Variants in MON1B observed in about 807,000 individuals in gnomAD.
The protein encoded by MON1B is vacuolar fusion protein MON1 homolog B.
MON1B carries 26 observed loss-of-function variants against 45.1 expected under a neutral mutation model. The ratio of observed to expected loss-of-function variants is 0.58; its 90% CI spans 0.42 to 0.80. MON1B has a LOEUF of 0.80. Ranked by LOEUF, MON1B falls within the 30% of genes least tolerant of loss-of-function variation. The pLI, the probability that MON1B is intolerant of heterozygous loss-of-function variation, is 0.00. For synonymous variants in MON1B, 395 were observed against 320.2 expected (o/e 1.23, Z -2.49); for missense variants, 737 against 754.5 (o/e 0.98, Z 0.27).
Position 77,191,509 on chromosome 16 carries a change from T to A in MON1B, c.24T>A (p.Ala8=), listed in dbSNP as rs145558402. Residue 8 remains alanine (A), a synonymous_variant, in exon 2 of 6, where the codon GCT becomes GCA. Coordinates refer to ENST00000248248, the MANE Select transcript of MON1B (RefSeq NM_014940.4). The part of the protein sequence containing the change: MEVGGDT[A]APAPGGAEDL... ...AGATGGAGGTCGGAGGAGACACTGC[T>A]GCCCCGGCCCCCGGGGGCGCGGAGG... 1.2e-4 allele frequency: 191 copies of A among 1,606,980 alleles called. No homozygotes were observed. The African/African-American group carries it at 2.3e-3, about 19-fold the overall frequency.
At position 77,193,573 on chromosome 16, in the gene MON1B, A is replaced by T; in HGVS notation, c.271A>T (p.Ser91Cys). 1 of 1,614,012 alleles carries T rather than the reference A, an allele frequency of 6.2e-7. No individual in the cohort carries two copies. The highest frequency in any genetic ancestry group is 2.2e-5 in the East Asian group (1 of 44,870). The change falls in exon 3 of 6, where the codon AGT becomes TGT. Residue 91 changes from serine (S) to cysteine (C), a missense_variant. Physicochemically the swap from Ser to Cys is moderately radical, Grantham distance 112. Coordinates refer to ENST00000248248, the MANE Select transcript of MON1B (RefSeq NM_014940.4). This position sits in a 1 kb window ranked among gnomAD's most constrained non-coding sequence, Gnocchi z 5.0. ...GAATAGTCCCACATGTAGCCCTGAG[A>T]GTAGCTCTGGAGGCCAGGGCGGGGA... ...PENSPTCSPE[S>C]SSGGQGGDPS... is the part of the protein sequence containing the mutation.
intron 2 of MON1B, among the ~76,000 whole-genome samples, chr16:77,192,465 G>A (rs767111109): frequency 6.6e-5 from 10 of 152,178 alleles, no homozygotes; most frequent in Non-Finnish European, 2.9e-5. Flanking sequence ...AAATCAATGG[G>A]AATAAATGGA....
chr16:77,195,018 G>A lies in MON1B; in HGVS notation c.1159G>A (p.Ala387Thr). 1.2e-6 allele frequency: 2 copies of A among 1,613,018 alleles called. No individual in the cohort carries two copies. Among genetic ancestry groups the A allele is most frequent in the Non-Finnish European group, 8.5e-7 (1 of 1,179,986 alleles). Residue 387 changes from alanine (A) to threonine (T), a missense_variant, in exon 4 of 6, where the codon GCC (alanine) becomes ACC (threonine). Transcript: ENST00000248248. ...LGAMRALGEAASFSNASSASA... is the reference protein window; with the variant it reads ...LGAMRALGEATSFSNASSASA... ...TGCCATGCGTGCCCTTGGGGAGGCTGCCAGCTTCTCTAATGCCTCATCAGC... is the reference window on the plus strand; with the variant it reads ...TGCCATGCGTGCCCTTGGGGAGGCTACCAGCTTCTCTAATGCCTCATCAGC...
At position 77,193,758 on chromosome 16, in the gene MON1B, C is replaced by G; in HGVS notation, c.456C>G (p.Ala152=). The G allele has an allele frequency of 1.2e-6, 2 of 1,612,126 alleles. No individual in the cohort carries two copies. Among genetic ancestry groups the G allele is most frequent in the Non-Finnish European group, 1.7e-6 (2 of 1,178,756 alleles). ...CCTTTGTGCAGAGTGCGGGAGATGC[C>G]ATCCGTGCCATCTACGCTGGTGAGC... ...LVSFVQSAGD[A]IRAIYAEDHK... is the part of the protein sequence containing the mutation. The change falls in exon 3 of 6, where the codon GCC becomes GCG. Residue 152 remains alanine, a synonymous_variant. Transcript: ENST00000248248. This position sits in a 1 kb window ranked among gnomAD's most constrained non-coding sequence, Gnocchi z 5.0.
chr16:77,193,746 T>G lies in MON1B; in HGVS notation c.444T>G (p.Ser148Arg). 3.7e-6 allele frequency: 6 copies of G among 1,613,230 alleles called. No homozygotes were observed. Among genetic ancestry groups the G allele is most frequent in the Non-Finnish European group, 5.1e-6 (6 of 1,179,458 alleles). Residue 148 changes from serine (S) to arginine (R), a missense_variant, in exon 3 of 6, where the codon AGT (serine) becomes AGG (arginine). Coordinates refer to ENST00000248248, the MANE Select transcript of MON1B (RefSeq NM_014940.4). This position sits in a 1 kb window ranked among gnomAD's most constrained non-coding sequence, Gnocchi z 5.0. The part of the protein sequence containing the change: ...VMTALVSFVQ[S>R]AGDAIRAIYA... The stretch of plus-strand genomic sequence containing the variant: ...CCGCCCTGGTGTCCTTTGTGCAGAG[T>G]GCGGGAGATGCCATCCGTGCCATCT...
chr16:77,196,761 G>A (rs993822196), intron 5 of MON1B, among the ~76,000 whole-genome samples: 4 of 152,190 alleles, frequency 2.6e-5, no homozygotes, highest in Admixed American at 1.3e-4. Context: ...GGGCGACAGA[G>A]TAAGACTCCA....
rs1291481597 is a variant in MON1B, at chr16:77,199,884, CAT to C, written c.*1579_*1580del. The C allele has an allele frequency of 5.6e-6, 1 of 178,752 alleles. No homozygotes were observed. The highest frequency in any genetic ancestry group is 1.2e-5 in the Non-Finnish European group (1 of 85,314). The allele number at this position is 178,752 out of a possible 1,614,324, so 11.1% of individuals were successfully genotyped here. On this transcript the variant is annotated 3_prime_UTR_variant, in exon 6 of 6. Transcript: ENST00000248248. ...CAGTGTCGCCATTTCACACCTAACA[CAT>C]ATGACACTTTGATGGACTCTTAAAC...
rs758777288 is a variant in MON1B, at chr16:77,194,305, AC to A, written c.476-23del. On this transcript the variant is annotated intron_variant, in intron 3 of 5. Coordinates refer to ENST00000248248, the MANE Select transcript of MON1B (RefSeq NM_014940.4). This position sits in a 1 kb window ranked among gnomAD's most constrained non-coding sequence, Gnocchi z 8.1. The stretch of plus-strand genomic sequence containing the variant: ...CTCTGGTCATTCCTGATCCAGCTGT[AC>A]CCCCCCTTCTTACCCCTTCCTTCCC... 27 of 1,562,788 alleles carry A rather than the reference AC, an allele frequency of 1.7e-5. No homozygotes were observed. Among genetic ancestry groups the A allele is most frequent in the Middle Eastern group, 1.7e-4 (1 of 6,010 alleles).
Position 77,201,694 on chromosome 16 carries a change from T to C in MON1B, c.*3386T>C, listed in dbSNP as rs1483908060. On this transcript the variant is annotated 3_prime_UTR_variant, in exon 6 of 6. Coordinates refer to ENST00000248248, the MANE Select transcript of MON1B (RefSeq NM_014940.4). ...ACAACACAAGAAGTAGTCACAGAAA[T>C]TGCTAAGTCTAGGTTTATGTGTGCA... 6.6e-6 allele frequency: 1 copy of C among 152,100 alleles called. No homozygotes were observed. Among genetic ancestry groups the C allele is most frequent in the Admixed American group, 6.6e-5 (1 of 15,266 alleles). 9.4% of individuals were successfully genotyped at this position (152,100 alleles called of 1,614,324 possible).
Position 77,198,275 on chromosome 16 carries a change from A to G in MON1B, c.1611A>G (p.Gln537=). The part of the protein sequence containing the change: ...YSTPPATSTD[Q]AAHNGLFTGL ...CACCACCAGCCACCTCTACGGACCA[A>G]GCTGCCCATAATGGCTTGTTCACTG... Residue 537 remains glutamine, a synonymous_variant, in exon 6 of 6, where the codon CAA becomes CAG. Transcript: ENST00000248248. 6.2e-7 allele frequency: 1 copy of G among 1,614,174 alleles called. No homozygotes were observed. The highest frequency in any genetic ancestry group is 8.5e-7 in the Non-Finnish European group (1 of 1,180,032).
At chr16:77,197,138 C>G (rs1403017329) in intron 5 of MON1B, among the ~76,000 whole-genome samples, 1 of 152,028 alleles carries the variant, frequency 6.6e-6, no homozygotes, top group Non-Finnish European at 1.5e-5. Context: ...CTTTGGGAGG[C>G]TGAGTCGGGG....
chr16:77,197,469 C>G (rs545380480), intron 5 of MON1B, among the ~76,000 whole-genome samples: 85 of 152,224 alleles, frequency 5.6e-4, no homozygotes, highest in African/African-American at 2.0e-3. Context: ...AGGGTGGCCT[C>G]CCTGAGCAGA....
chr16:77,194,354 C>G lies in MON1B; in HGVS notation c.495C>G (p.Phe165Leu), dbSNP rs759633976. 6.2e-7 allele frequency: 1 copy of G among 1,607,338 alleles called. No homozygotes were observed. The highest frequency in any genetic ancestry group is 8.5e-7 in the Non-Finnish European group (1 of 1,179,930). The change falls in exon 4 of 6, where the codon TTC becomes TTG. Residue 165 changes from phenylalanine to leucine, a missense_variant. Coordinates refer to ENST00000248248, the MANE Select transcript of MON1B (RefSeq NM_014940.4). This position sits in a 1 kb window ranked among gnomAD's most constrained non-coding sequence, Gnocchi z 8.1. ...CCCTAGAGGACCACAAGCTGGTGTT[C>G]CTACAACAGGGCCCACTGTTGCTCG... is the stretch of plus-strand genomic sequence containing the variant. ...AIYAEDHKLVFLQQGPLLLVA... is the reference protein window; with the variant it reads ...AIYAEDHKLVLLQQGPLLLVA...
intron 5 of MON1B, among the ~76,000 whole-genome samples, chr16:77,197,220 A>AC (rs2054673804): frequency 6.6e-6 from 1 of 151,248 alleles, no homozygotes; most frequent in South Asian, 2.1e-4. Context: ...ACAGGGTGGA[A>AC]CCCCATCTCT....
intron 5 of MON1B, 120 bp from the exon 6 acceptor site, chr16:77,197,988 A>G (rs1281341210): frequency 2.1e-6 from 2 of 955,792 alleles, no homozygotes; most frequent in East Asian, 2.4e-5. Context: ...ACCTGGTAGG[A>G]GGTGCTGCCA....
Position 77,198,303 on chromosome 16 carries a change from C to G in MON1B, c.1639C>G (p.Leu547Val), listed in dbSNP as rs748990041. The change falls in exon 6 of 6, where the codon CTC becomes GTC. Residue 547 changes from leucine to valine, a missense_variant. Physicochemically the swap from Leu to Val is conservative, Grantham distance 32. Transcript: ENST00000248248. ...QAAHNGLFTG[L>V] ...TGCCCATAATGGCTTGTTCACTGGA[C>G]TCTGATAGTTGGAGCTCCCAGACCA... 3 of 1,614,006 alleles carry G rather than the reference C, an allele frequency of 1.9e-6. No homozygotes were observed. The South Asian group carries it at 3.3e-5, about 18-fold the overall frequency.
chr16:77,194,606 C>G lies in MON1B; in HGVS notation c.747C>G (p.Arg249=), dbSNP rs751357290. Reference sequence around the variant, plus strand: ...GAGCCCTGCTCCTGGGTGCCGTGCGCTGTGTGCCCCTTGCCCGCCCGCTGC... The same window carrying G: ...GAGCCCTGCTCCTGGGTGCCGTGCGGTGTGTGCCCCTTGCCCGCCCGCTGC... ...DPGALLLGAV[R]CVPLARPLRD... Residue 249 remains arginine, a synonymous_variant, in exon 4 of 6, where the codon CGC becomes CGG. Coordinates refer to ENST00000248248, the MANE Select transcript of MON1B (RefSeq NM_014940.4). This position sits in a 1 kb window ranked among gnomAD's most constrained non-coding sequence, Gnocchi z 8.1. 1.2e-6 allele frequency: 2 copies of G among 1,613,900 alleles called. No individual in the cohort carries two copies. The highest frequency in any genetic ancestry group is 3.3e-5 in the Admixed American group (2 of 60,022).
rs1301006861 is a variant in MON1B at position 77,191,635 on chromosome 16, T to C, written c.148+2T>C. On this transcript the variant is annotated splice_donor_variant, in intron 2 of 5. Transcript: ENST00000248248. LOFTEE classifies it high-confidence loss of function. The stretch of plus-strand genomic sequence containing the variant: ...AAGACGAGGGCCTGGAGGAAACAGG[T>C]ATGACTCCACTTAGTGGGGTCTTAA... The C allele has an allele frequency of 1.2e-6, 2 of 1,610,596 alleles. No homozygotes were observed. The highest frequency in any genetic ancestry group is 1.7e-6 in the Non-Finnish European group (2 of 1,178,844).
intron 2 of MON1B, 101 bp downstream of exon 2, chr16:77,191,734 TAAGAG>T (rs1423618783): frequency 6.6e-6 from 9 of 1,373,734 alleles, no homozygotes; most frequent in Admixed American, 2.7e-5. Flanking sequence ...TCTTGGGACT[TAAGAG>T]AAGTGGCTTA....
Sources: gnomAD v4.1 joint callset for allele counts (sites outside exome capture counted in the v4.1 genomes callset) on GRCh38, gnomAD v4.1.1 for gene constraint, Gnocchi (gnomAD v3.1) non-coding constraint, MANE v1.5 for transcripts, NCBI Gene and HGNC (gene_info 2026-07-23, HGNC 2026-07-21) for gene names.